Variants in GRIK2 observed in about 807,000 individuals in gnomAD.
GRIK2 encodes glutamate receptor ionotropic, kainate 2.
In GRIK2, 32 loss-of-function variants were observed where a neutral mutation model predicts 100.3. The ratio of observed to expected loss-of-function variants is 0.32; its 90% CI spans 0.24 to 0.43. The LOEUF is 0.43. Among genes scored for constraint, GRIK2 ranks in the 20% least tolerant of loss-of-function variants. GRIK2 has a pLI of 1.00. For synonymous variants in GRIK2, 417 were observed against 389.4 expected, an observed-to-expected ratio of 1.07 and a Z score of -0.83; for missense variants, 843 against 1,114.9, an observed-to-expected ratio of 0.76 and a Z score of 3.47.
intron 2 of GRIK2, among the ~76,000 whole-genome samples, chr6:101,547,572 T>G (rs1318817953): frequency 1.3e-5 from 2 of 152,200 alleles, no homozygotes; most frequent in Non-Finnish European, 2.9e-5. Context: ...ATGCGGTGTT[T>G]GGATTTTTGT....
intron 14 of GRIK2, among the ~76,000 whole-genome samples, chr6:102,021,069 G>A (rs1281073617): frequency 6.6e-6 from 1 of 151,792 alleles, no homozygotes; most frequent in Non-Finnish European, 1.5e-5. Context: ...AAGATGGTAA[G>A]AAACATTCTA....
chr6:101,892,471 A>G (rs1439822868), intron 12 of GRIK2, among the ~76,000 whole-genome samples: 1 of 152,152 alleles, frequency 6.6e-6, no homozygotes, highest in Non-Finnish European at 1.5e-5. Flanking sequence ...ACGTGAAAGA[A>G]ATTCAAGTAT....
chr6:101,709,887 G>A (rs958213524), intron 7 of GRIK2, among the ~76,000 whole-genome samples: 1 of 151,778 alleles, frequency 6.6e-6, no homozygotes, highest in African/African-American at 2.4e-5. Context: ...TGAGATAGAA[G>A]CCTGAGAATT....
chr6:101,794,630 A>AT (rs139387001), intron 7 of GRIK2, among the ~76,000 whole-genome samples: 11,872 of 146,210 alleles, frequency 0.081, 1,226 homozygotes, highest in African/African-American at 0.25. Flanking sequence ...TAATATCCTG[A>AT]TTTTTTTTTC....
rs60603807 is a variant in GRIK2, at chr6:101,955,576, TTCTCTCTCTC to T, written c.2085+26975_2085+26984del. Among the ~76,000 whole-genome samples the T allele has an allele frequency of 4.2e-3, 488 of 116,328 alleles. 3 individuals are homozygous for T. Among genetic ancestry groups the T allele is most frequent in the African/African-American group, 8.3e-3 (219 of 26,518 alleles). 76.3% of individuals were successfully genotyped at this position (116,328 alleles called of 152,430 possible). ...CCAGCCTGAGCAACAGAGCAAGGCCTTCTCTCTCTCTCTCTCTCTCTCTCTCTCTCTCTCT... is the reference window on the plus strand; with the variant it reads ...CCAGCCTGAGCAACAGAGCAAGGCCTTCTCTCTCTCTCTCTCTCTCTCTCT... On this transcript the variant is annotated intron_variant, in intron 14 of 16. Transcript: ENST00000369134.
intron 9 of GRIK2, among the ~76,000 whole-genome samples, chr6:101,805,402 C>T (rs1413530604): frequency 1.3e-5 from 2 of 151,414 alleles, no homozygotes; most frequent in Non-Finnish European, 2.9e-5. Context: ...CCCGGAAGTA[C>T]CATCTTGAAA....
chr6:101,399,168 C>T lies in GRIK2; in HGVS notation c.-110C>T, dbSNP rs1775142003. On this transcript the variant is annotated 5_prime_UTR_variant, in exon 2 of 17. Coordinates refer to ENST00000369134, the MANE Select transcript of GRIK2 (RefSeq NM_021956.5). ...CTCCTTCCTCTCTCTATGACCATGC[C>T]GTGATCGTGTCTGCGGTCACCACTC... The T allele has an allele frequency of 5.6e-6, 4 of 711,652 alleles. No individual in the cohort carries two copies. The East Asian group carries it at 1.0e-4, about 18-fold the overall frequency. The allele number at this position is 711,652 out of a possible 1,614,324, so 44.1% of individuals were successfully genotyped here. A position where few individuals can be genotyped will look rare whatever the true frequency, so the allele number is the denominator to read the frequency against.
chr6:101,827,236 G>T (rs1285594633), intron 10 of GRIK2, among the ~76,000 whole-genome samples: 1 of 151,924 alleles, frequency 6.6e-6, no homozygotes. Flanking sequence ...ATTTATGTGT[G>T]TGTAAGTATG....
intron 4 of GRIK2, among the ~76,000 whole-genome samples, chr6:101,674,283 T>A (rs1406875643): frequency 6.6e-6 from 1 of 152,198 alleles, no homozygotes. Flanking sequence ...GCATGAGTTC[T>A]ACCCTCTGAA....
chr6:101,654,856 C>T (rs1419611921), intron 4 of GRIK2, among the ~76,000 whole-genome samples: 2 of 152,170 alleles, frequency 1.3e-5, no homozygotes, highest in African/African-American at 4.8e-5. Context: ...CCAATTCCCA[C>T]TCTTCATCTT....
At chr6:101,466,992 T>C (rs1771682466) in intron 2 of GRIK2, among the ~76,000 whole-genome samples, 1 of 152,202 alleles carries the variant, frequency 6.6e-6, no homozygotes, top group South Asian at 2.1e-4. Flanking sequence ...AAGCACCCGC[T>C]AATATACATG....
intron 2 of GRIK2, among the ~76,000 whole-genome samples, chr6:101,599,489 T>C (rs796858960): frequency 1.3e-4 from 19 of 151,762 alleles, no homozygotes; most frequent in African/African-American, 4.6e-4. Flanking sequence ...TGAGAAATCT[T>C]TGAACTGTTT....
intron 4 of GRIK2, among the ~76,000 whole-genome samples, chr6:101,653,490 G>C (rs1174344409): frequency 6.6e-6 from 1 of 151,928 alleles, no homozygotes; most frequent in African/African-American, 2.4e-5. Context: ...CCCCAAACTC[G>C]TCATGCTGTC....
chr6:102,000,621 T>A (rs1222675002), intron 14 of GRIK2, among the ~76,000 whole-genome samples: 1 of 152,162 alleles, frequency 6.6e-6, no homozygotes, highest in African/African-American at 2.4e-5. Context: ...AATTTGTGTC[T>A]TTCAAAGTAT....
intron 10 of GRIK2, among the ~76,000 whole-genome samples, chr6:101,846,746 T>A (rs979599964): frequency 6.6e-6 from 1 of 152,200 alleles, no homozygotes; most frequent in African/African-American, 2.4e-5. Context: ...GATAGCAGTG[T>A]CTCTGTAGAA....
At chr6:102,003,196 C>A (rs533211022) in intron 14 of GRIK2, among the ~76,000 whole-genome samples, 1 of 151,508 alleles carries the variant, frequency 6.6e-6, no homozygotes, top group South Asian at 2.1e-4. Flanking sequence ...ATTTTATATT[C>A]ATTTGTTTAT....
At chr6:101,641,117 T>A (rs1781259609) in intron 4 of GRIK2, among the ~76,000 whole-genome samples, 2 of 152,058 alleles carry the variant, frequency 1.3e-5, no homozygotes, top group South Asian at 4.1e-4. Flanking sequence ...CCCCTGTAAA[T>A]ACAGTAAAAA....
At chr6:101,935,009 A>G (rs955748475) in intron 14 of GRIK2, among the ~76,000 whole-genome samples, 1 of 151,974 alleles carries the variant, frequency 6.6e-6, no homozygotes, top group African/African-American at 2.4e-5. Context: ...AATGTTTTTC[A>G]TATTTTATAT....
intron 2 of GRIK2, among the ~76,000 whole-genome samples, chr6:101,594,738 G>A (rs1232142566): frequency 1.3e-5 from 2 of 151,792 alleles, no homozygotes; most frequent in Non-Finnish European, 2.9e-5. Flanking sequence ...CATTTATAGT[G>A]TAAGTGGATG....
Sources: gnomAD v4.1 joint callset for allele counts (sites outside exome capture counted in the v4.1 genomes callset) on GRCh38, gnomAD v4.1.1 for gene constraint, MANE v1.5 for transcripts, NCBI Gene and HGNC (gene_info 2026-07-23, HGNC 2026-07-21) for gene names.